The following OTUD7B variants were observed in gnomAD, a reference collection of about 807,000 sequenced individuals.
OTUD7B encodes OTU deubiquitinase 7B.
In OTUD7B, 34 loss-of-function variants were observed where a neutral mutation model predicts 82.2. That is an observed-to-expected ratio of 0.41 (90% CI 0.31 to 0.55). The LOEUF (loss-of-function observed/expected upper bound fraction) is 0.55. Ranked by LOEUF, OTUD7B falls within the 20% of genes least tolerant of loss-of-function variation. The probability of loss-of-function intolerance (pLI) is 0.20; values close to 1 mark genes in which losing one functional copy is unlikely to be tolerated. For missense variants in OTUD7B, 944 were observed against 1,062.1 expected, an observed-to-expected ratio of 0.89 and a Z score of 1.55; for synonymous variants, 398 against 402.7, an observed-to-expected ratio of 0.99 and a Z score of 0.14.
At chr1:149,991,971 T>C (rs781920161) in intron 1 of OTUD7B, among the ~76,000 whole-genome samples, 1 of 152,220 alleles carries the variant, frequency 6.6e-6, no homozygotes, top group South Asian at 2.1e-4. Context: ...GGCTCATGCC[T>C]GTAATCTTAG....
chr1:150,066,294 CAT>C, the OTUD7B span, among the ~76,000 whole-genome samples: 1 of 152,084 alleles, frequency 6.6e-6, no homozygotes, highest in East Asian at 1.9e-4. This position sits in a 1 kb window ranked among gnomAD's most constrained non-coding sequence, Gnocchi z 4.6. Flanking sequence ...ATGGAATGTT[CAT>C]ATAACATTTC....
chr1:149,966,394 T>C (rs782759010), intron 4 of OTUD7B, among the ~76,000 whole-genome samples: 3 of 152,088 alleles, frequency 2.0e-5, no homozygotes, highest in Non-Finnish European at 4.4e-5. Flanking sequence ...TCAGCAAAAA[T>C]CCATCATGAA....
In OTUD7B at chr1:149,943,974, C is replaced by T. The variant is rs782616261; in HGVS notation, c.2415G>A (p.Pro805=). 12 of 1,614,200 alleles carry T rather than the reference C, an allele frequency of 7.4e-6. No homozygotes were observed. The highest frequency in any genetic ancestry group is 1.0e-5 in the Non-Finnish European group (12 of 1,180,028). ...CAGGGTGTCCATAGAAGCTGCAGTT[C>T]GGTTGTTTGCATTTGGTCTGAGTTG... The part of the protein sequence containing the change: ...LPPTQTKCKQ[P]NCSFYGHPET... Residue 805 remains proline, a synonymous_variant, in exon 12 of 12, where the codon CCG becomes CCA. Coordinates refer to ENST00000581312, the MANE Select transcript of OTUD7B (RefSeq NM_020205.4).
At chr1:150,019,357 T>TTTTGTTTG in the OTUD7B span, among the ~76,000 whole-genome samples, 307 of 151,916 alleles carry the variant, frequency 2.0e-3, 1 homozygote, top group African/African-American at 7.1e-3. Flanking sequence ...ATTGTCTTTG[T>TTTTGTTTG]TTTGTTTGTT....
In OTUD7B at chr1:149,942,552, G is replaced by C. The variant is rs1054910905; in HGVS notation, c.*1305C>G. The C allele has an allele frequency of 6.6e-6, 1 of 152,458 alleles. No homozygotes were observed. The highest frequency in any genetic ancestry group is 6.5e-5 in the Admixed American group (1 of 15,274). 9.4% of individuals were successfully genotyped at this position (152,458 alleles called of 1,614,324 possible). On this transcript the variant is annotated 3_prime_UTR_variant, in exon 12 of 12. Coordinates refer to ENST00000581312, the MANE Select transcript of OTUD7B (RefSeq NM_020205.4). ...GCTCATTGGGAGTCATCTGTGCTCTGTGGTTATAGTTCACTAAAATATATT... is the reference window on the plus strand; with the variant it reads ...GCTCATTGGGAGTCATCTGTGCTCTCTGGTTATAGTTCACTAAAATATATT...
intron 1 of OTUD7B, among the ~76,000 whole-genome samples, chr1:149,989,708 C>T (rs1315719975): frequency 1.7e-5 from 2 of 119,372 alleles, no homozygotes; most frequent in African/African-American, 6.7e-5. Flanking sequence ...CATTGCACTC[C>T]AGCCTGGGTG....
intron 1 of OTUD7B, among the ~76,000 whole-genome samples, chr1:149,995,135 G>A (rs1051616958): frequency 2.6e-5 from 4 of 152,134 alleles, no homozygotes; most frequent in African/African-American, 9.7e-5. Flanking sequence ...AAGATTTAAC[G>A]TTTATTGTGC....
At chr1:150,008,286 C>A (rs1216560050) in intron 1 of OTUD7B, among the ~76,000 whole-genome samples, 5 of 152,170 alleles carry the variant, frequency 3.3e-5, no homozygotes, top group African/African-American at 1.2e-4. Flanking sequence ...ATATTGGCAC[C>A]AATCAACTCA....
At chr1:150,014,526 T>G (rs1653215357), upstream of OTUD7B, among the ~76,000 whole-genome samples, 1 of 152,018 alleles carries the variant, frequency 6.6e-6, no homozygotes, top group African/African-American at 2.4e-5. Flanking sequence ...CACAAAAAAC[T>G]TATACGTGAA....
At chr1:149,980,711 C>G (rs1265990203) in intron 1 of OTUD7B, among the ~76,000 whole-genome samples, 1 of 137,758 alleles carries the variant, frequency 7.3e-6, no homozygotes, top group African/African-American at 2.8e-5. Flanking sequence ...GACTCTGTCT[C>G]GAAAAAAACA....
chr1:150,003,017 G>A (rs587595359), intron 1 of OTUD7B, among the ~76,000 whole-genome samples: 7 of 152,094 alleles, frequency 4.6e-5, no homozygotes, highest in Admixed American at 4.6e-4. Flanking sequence ...TTGGGAGGCC[G>A]AGGCGGGCGG....
chr1:149,998,153 T>C (rs587665537), intron 1 of OTUD7B, among the ~76,000 whole-genome samples: 2 of 152,248 alleles, frequency 1.3e-5, no homozygotes, highest in South Asian at 2.1e-4. Flanking sequence ...AAATTCCCCT[T>C]ATCTCTCTTC....
intron 1 of OTUD7B, among the ~76,000 whole-genome samples, chr1:149,999,583 G>T (rs781802374): frequency 1.1e-4 from 17 of 152,284 alleles, no homozygotes; most frequent in Non-Finnish European, 1.9e-4. Context: ...TTTTGTTGGA[G>T]CTAGGCATGG....
the OTUD7B span, among the ~76,000 whole-genome samples, chr1:150,050,780 G>C: frequency 6.6e-6 from 1 of 151,960 alleles, no homozygotes; most frequent in Admixed American, 6.6e-5. Context: ...GGTGATTCAA[G>C]GGCGCCCTCT....
At chr1:149,945,812 G>C (rs1647671780) in intron 11 of OTUD7B, among the ~76,000 whole-genome samples, 1 of 152,110 alleles carries the variant, frequency 6.6e-6, no homozygotes, top group Admixed American at 6.6e-5. Flanking sequence ...TGTAATCCCA[G>C]CACTTTGGGA....
the OTUD7B span, among the ~76,000 whole-genome samples, chr1:150,028,274 T>C: frequency 6.6e-6 from 1 of 152,220 alleles, no homozygotes; most frequent in African/African-American, 2.4e-5. Flanking sequence ...AAAGTGATCA[T>C]TGGATTCAAT....
chr1:150,060,112 G>GTT, the OTUD7B span, among the ~76,000 whole-genome samples: 4 of 152,160 alleles, frequency 2.6e-5, no homozygotes, highest in Non-Finnish European at 5.9e-5. Flanking sequence ...TAATATCAGC[G>GTT]TGACTCCTTC....
chr1:149,967,163 C>A, intron 4 of OTUD7B, 131 bp downstream of exon 4: 2 of 584,166 alleles, frequency 3.4e-6, no homozygotes, highest in East Asian at 5.8e-5. Context: ...AAGTTTATCC[C>A]ACTGACTCCT....
the OTUD7B span, among the ~76,000 whole-genome samples, chr1:150,042,395 G>C: frequency 6.6e-6 from 1 of 151,446 alleles, no homozygotes; most frequent in Admixed American, 6.6e-5. Flanking sequence ...CTGGTCTCGA[G>C]CTCCTGACCT....
Sources: allele counts gnomAD v4.1 joint callset (sites outside exome capture counted in the v4.1 genomes callset), GRCh38; gene constraint gnomAD v4.1.1; non-coding constraint Gnocchi (gnomAD v3.1); transcripts MANE v1.5; gene names NCBI Gene and HGNC (gene_info 2026-07-23, HGNC 2026-07-21).